Variants in OPRM1 observed in about 807,000 individuals in gnomAD.
OPRM1 encodes the protein mu-type opioid receptor.
Under a neutral mutation model 31.8 loss-of-function variants are expected in OPRM1, and 27 were observed. The observed-to-expected ratio is 0.85, with a 90% CI of 0.63 to 1.17. The LOEUF (loss-of-function observed/expected upper bound fraction) is 1.17. Among genes scored for constraint, OPRM1 ranks in the 50% most tolerant of loss-of-function variants. The pLI, the probability that OPRM1 is intolerant of heterozygous loss-of-function variation, is 0.00. For synonymous variants in OPRM1, 196 were observed against 189.9 expected, an observed-to-expected ratio of 1.03 and a Z score of -0.26; for missense variants, 536 against 511.1, an observed-to-expected ratio of 1.05 and a Z score of -0.47.
At chr6:154,241,108 C>G (rs542660068) in intron 3 of OPRM1, among the ~76,000 whole-genome samples, 1 of 151,706 alleles carries the variant, frequency 6.6e-6, no homozygotes, top group Admixed American at 6.6e-5. Context: ...TGGTGGTGCA[C>G]GCCTGTAATC....
At chr6:154,199,232 T>C (rs913424348) in intron 3 of OPRM1, among the ~76,000 whole-genome samples, 1 of 152,220 alleles carries the variant, frequency 6.6e-6, no homozygotes, top group African/African-American at 2.4e-5. Flanking sequence ...GGCTAAGAAT[T>C]AGATACTGTC....
At chr6:154,055,660 C>G (rs914703728) in intron 1 of OPRM1, among the ~76,000 whole-genome samples, 42 of 152,196 alleles carry the variant, frequency 2.8e-4, no homozygotes, top group African/African-American at 9.9e-4. Context: ...TTCCCATCAA[C>G]TCCTTCTACA....
At chr6:154,093,637 AT>A in intron 3 of OPRM1, 1 of 1,061,536 alleles carries the variant, frequency 9.4e-7, no homozygotes, top group Non-Finnish European at 1.3e-6. Flanking sequence ...CGCTGCCTCT[AT>A]GAAGCAGTAT....
chr6:154,077,424 T>C (rs1312094096), intron 1 of OPRM1, among the ~76,000 whole-genome samples: 5 of 150,436 alleles, frequency 3.3e-5, no homozygotes, highest in Admixed American at 3.3e-4. Flanking sequence ...AGCCTTCAAG[T>C]CATGTTTTTT....
chr6:154,173,175 C>T (rs1470924816), intron 3 of OPRM1, among the ~76,000 whole-genome samples: 1 of 152,160 alleles, frequency 6.6e-6, no homozygotes, highest in Non-Finnish European at 1.5e-5. Context: ...TCACCAACAC[C>T]TAAGACCAAA....
chr6:154,020,811 T>A (rs1356069188), intron 1 of OPRM1, among the ~76,000 whole-genome samples: 3 of 152,250 alleles, frequency 2.0e-5, no homozygotes, highest in Non-Finnish European at 4.4e-5. Flanking sequence ...TTCATATGCT[T>A]ATTTGCCACG....
At chr6:154,159,670 T>C in intron 3 of OPRM1, 1 of 643,010 alleles carries the variant, frequency 1.6e-6, no homozygotes. Context: ...CCCTGGTGTA[T>C]TCGGTGATTA....
chr6:154,153,060 A>T (rs1798585196), intron 3 of OPRM1, among the ~76,000 whole-genome samples: 1 of 152,172 alleles, frequency 6.6e-6, no homozygotes, highest in Non-Finnish European at 1.5e-5. Flanking sequence ...AAAAGCCAGA[A>T]ATTTCTTGCT....
chr6:154,152,347 G>GAAAAGGAA, intron 3 of OPRM1, among the ~76,000 whole-genome samples: 5 of 65,202 alleles, frequency 7.7e-5, no homozygotes, highest in East Asian at 9.1e-4. Flanking sequence ...AAGAAAGAAA[G>GAAAAGGAA]GAAAGAAAGA....
At chr6:154,035,208 T>G (rs1446235925), upstream of OPRM1, among the ~76,000 whole-genome samples, 1 of 152,188 alleles carries the variant, frequency 6.6e-6, no homozygotes, top group African/African-American at 2.4e-5. Context: ...TGAACTGCTT[T>G]TTTTTTAATC....
At chr6:154,243,341 G>A (rs760720558) in intron 3 of OPRM1, among the ~76,000 whole-genome samples, 5 of 152,184 alleles carry the variant, frequency 3.3e-5, no homozygotes, top group Non-Finnish European at 7.3e-5. Context: ...TGTAGGACTT[G>A]TGTGCCGCGT....
intron 3 of OPRM1, among the ~76,000 whole-genome samples, chr6:154,243,310 T>C (rs187082368): frequency 1.2e-4 from 18 of 152,340 alleles, no homozygotes; most frequent in East Asian, 5.8e-4. Context: ...TTTCTACGGC[T>C]GTTAAACTTG....
At chr6:154,090,226 T>G (rs759793013) in intron 2 of OPRM1, 48 bp downstream of exon 2, 5 of 1,225,524 alleles carry the variant, frequency 4.1e-6, no homozygotes, top group Non-Finnish European at 5.9e-6. Context: ...CAGCCTGATA[T>G]GTTGGTGATG....
intron 3 of OPRM1, among the ~76,000 whole-genome samples, chr6:154,176,627 T>G (rs766537853): frequency 6.6e-6 from 1 of 152,076 alleles, no homozygotes; most frequent in Non-Finnish European, 1.5e-5. Flanking sequence ...ATGAAGGACC[T>G]CCTCAAGGAG....
intron 1 of OPRM1, among the ~76,000 whole-genome samples, chr6:154,084,175 A>G (rs1318190813): frequency 2.0e-5 from 3 of 152,136 alleles, no homozygotes; most frequent in Non-Finnish European, 4.4e-5. Context: ...TGCTGATAGT[A>G]GCTTATTAGA....
chr6:154,066,617 A>G (rs936299400), intron 1 of OPRM1, among the ~76,000 whole-genome samples: 9 of 152,122 alleles, frequency 5.9e-5, no homozygotes, highest in African/African-American at 1.7e-4. Context: ...TGAGATCACA[A>G]TGATGGGGTA....
At chr6:154,098,155 C>T (rs1472923251) in intron 3 of OPRM1, among the ~76,000 whole-genome samples, 1 of 152,186 alleles carries the variant, frequency 6.6e-6, no homozygotes, top group East Asian at 1.9e-4. Flanking sequence ...ATAACCCAGG[C>T]TTTTAATCAA....
chr6:154,189,692 G>A (rs766693634), intron 3 of OPRM1, among the ~76,000 whole-genome samples: 1 of 152,066 alleles, frequency 6.6e-6, no homozygotes, highest in Non-Finnish European at 1.5e-5. Context: ...CACCGGGCCA[G>A]GCGCGGTGGC....
upstream of OPRM1, among the ~76,000 whole-genome samples, chr6:154,036,652 C>G (rs1779314103): frequency 6.6e-6 from 1 of 151,800 alleles, no homozygotes; most frequent in Non-Finnish European, 1.5e-5. Flanking sequence ...TCAAAAAGGA[C>G]AAAACGTCTT....
Sources: allele counts gnomAD v4.1 joint callset (sites outside exome capture counted in the v4.1 genomes callset), GRCh38; gene constraint gnomAD v4.1.1; transcripts MANE v1.5; gene names NCBI Gene and HGNC (gene_info 2026-07-23, HGNC 2026-07-21).